The following BID variants were observed in gnomAD, a reference collection of about 807,000 sequenced individuals.
The protein encoded by BID is BH3-interacting domain death agonist.
In BID, 19 loss-of-function variants were observed where a neutral mutation model predicts 17.4. The observed-to-expected ratio is 1.09, with a 90% CI of 0.76 to 1.60. The LOEUF is 1.60. Among genes scored for constraint, BID ranks in the 40% most tolerant of loss-of-function variants. The pLI, the probability that BID is intolerant of heterozygous loss-of-function variation, is 0.00. For missense variants in BID, 226 were observed against 256.0 expected (o/e 0.88, Z 0.80); for synonymous variants, 108 against 102.8 (o/e 1.05, Z -0.31).
chr22:17,755,924 A>G (rs577550088), intron 1 of BID, among the ~76,000 whole-genome samples: 2 of 152,192 alleles, frequency 1.3e-5, no homozygotes, highest in South Asian at 4.2e-4. Flanking sequence ...CAGGAGTACA[A>G]TGGCACGATC....
rs539560010 is a variant in BID at position 17,738,185 on chromosome 22, C to T, written c.408G>A (p.Gln136=). 11 of 1,612,598 alleles carry T rather than the reference C, an allele frequency of 6.8e-6. No individual in the cohort carries two copies. The African/African-American group carries it at 1.3e-4, about 20-fold the overall frequency. ...CCTTCTCCATGTCTCTAGGGTAGGC[C>T]TGCAGCAGCTGCTCCAGGGCAGTGG... The part of the protein sequence containing the change: ...DLATALEQLL[Q]AYPRDMEKEK... Residue 136 remains glutamine (Q), a synonymous_variant, in exon 5 of 6, where the codon CAG becomes CAA. Transcript: ENST00000622694.
intron 2 of BID, among the ~76,000 whole-genome samples, chr22:17,748,090 T>A (rs1178916408): frequency 2.0e-5 from 3 of 149,716 alleles, no homozygotes; most frequent in Non-Finnish European, 4.4e-5. Context: ...GCGCCTGTAG[T>A]CCCAGCTACT....
At position 17,735,485 on chromosome 22, in the gene BID, G is replaced by C. The variant is rs1365604246; in HGVS notation, c.*95C>G. The stretch of plus-strand genomic sequence containing the variant: ...CTTCCAGCCTGTCTTCTCTAGGAAC[G>C]CTGTTGACATGCCAGGGCTCCGTCT... On this transcript the variant is annotated 3_prime_UTR_variant, in exon 6 of 6. Transcript: ENST00000622694. 2 of 1,427,678 alleles carry C rather than the reference G, an allele frequency of 1.4e-6. No individual in the cohort carries two copies. Among genetic ancestry groups the C allele is most frequent in the African/African-American group, 2.8e-5 (2 of 70,938 alleles). 88.4% of individuals were successfully genotyped at this position (1,427,678 alleles called of 1,614,324 possible). A position where few individuals can be genotyped will look rare whatever the true frequency, so the allele number is the denominator to read the frequency against.
At chr22:17,765,355 G>A (rs187497112) in intron 1 of BID, among the ~76,000 whole-genome samples, 3 of 152,120 alleles carry the variant, frequency 2.0e-5, no homozygotes, top group South Asian at 2.1e-4. Flanking sequence ...GCCAAGATAC[G>A]GCCTCTTTTT....
At chr22:17,756,127 A>G (rs2061581069) in intron 1 of BID, among the ~76,000 whole-genome samples, 1 of 152,200 alleles carries the variant, frequency 6.6e-6, no homozygotes, top group African/African-American at 2.4e-5. Context: ...TCGGCCTCCC[A>G]AAGTGCTGGG....
chr22:17,762,134 A>G (rs2061643458), intron 1 of BID, among the ~76,000 whole-genome samples: 1 of 152,134 alleles, frequency 6.6e-6, no homozygotes, highest in Non-Finnish European at 1.5e-5. Context: ...ATTCAGTCAG[A>G]CACCCAGGAG....
intron 1 of BID, among the ~76,000 whole-genome samples, chr22:17,750,448 A>G (rs1192011725): frequency 6.6e-6 from 1 of 152,266 alleles, no homozygotes; most frequent in Admixed American, 6.5e-5. Flanking sequence ...GGCATCAGGG[A>G]AACGGGGCCG....
At chr22:17,766,750 C>T (rs184260827) in intron 1 of BID, among the ~76,000 whole-genome samples, 3 of 151,830 alleles carry the variant, frequency 2.0e-5, no homozygotes, top group African/African-American at 4.8e-5. Flanking sequence ...CCACCACGCC[C>T]GGCTAATTGT....
chr22:17,750,692 G>A (rs1185997354), intron 1 of BID, among the ~76,000 whole-genome samples: 1 of 152,080 alleles, frequency 6.6e-6, no homozygotes, highest in Non-Finnish European at 1.5e-5. Context: ...GCCGGGCGTG[G>A]TGGCGGGCGC....
chr22:17,748,892 C>G (rs902705439), intron 2 of BID, among the ~76,000 whole-genome samples: 1 of 152,222 alleles, frequency 6.6e-6, no homozygotes, highest in African/African-American at 2.4e-5. Flanking sequence ...ACACTGACAA[C>G]AAGCCTGGAT....
intron 1 of BID, among the ~76,000 whole-genome samples, chr22:17,755,900 C>G (rs751937212): frequency 5.9e-5 from 9 of 152,112 alleles, no homozygotes; most frequent in Non-Finnish European, 1.2e-4. Flanking sequence ...CGGAGTCTCA[C>G]TCTGTCGCCC....
intron 1 of BID, among the ~76,000 whole-genome samples, chr22:17,755,842 A>C (rs538961463): frequency 6.6e-6 from 1 of 151,382 alleles, no homozygotes; most frequent in African/African-American, 2.4e-5. Flanking sequence ...GGTTTGGAGA[A>C]GGTGATTTCC....
Position 17,773,663 on chromosome 22 carries a change from C to T in BID, c.-59+718G>A. On this transcript the variant is annotated intron_variant, in intron 1 of 5. Transcript: ENST00000622694. The surrounding 1 kb of genome is among the most constrained non-coding windows in gnomAD (Gnocchi z 4.4). The stretch of plus-strand genomic sequence containing the variant: ...CCCGGCCCCTCGCTGCCCACCGAGC[C>T]ATCATGACCCCAGCACCGCTGCACA... 1 of 1,611,568 alleles carries T rather than the reference C, an allele frequency of 6.2e-7. No homozygotes were observed. The highest frequency in any genetic ancestry group is 8.5e-7 in the Non-Finnish European group (1 of 1,179,986).
At chr22:17,740,418 G>A (rs906304156) in intron 3 of BID, 13 of 482,064 alleles carry the variant, frequency 2.7e-5, no homozygotes, top group African/African-American at 2.1e-4. Context: ...GCAAGGCCCT[G>A]CCTCTACAAG....
At chr22:17,753,157 G>A (rs1422939525) in intron 1 of BID, among the ~76,000 whole-genome samples, 10 of 150,430 alleles carry the variant, frequency 6.6e-5, no homozygotes, top group Admixed American at 5.3e-4. Flanking sequence ...TAGTAGAGAC[G>A]GGGTTTCACC....
chr22:17,757,257 A>C (rs1244440330), intron 1 of BID, among the ~76,000 whole-genome samples: 2 of 151,790 alleles, frequency 1.3e-5, no homozygotes, highest in Non-Finnish European at 2.9e-5. Flanking sequence ...TCTATAATAT[A>C]TACAAAAACT....
chr22:17,768,690 G>A (rs1601882714), intron 1 of BID, among the ~76,000 whole-genome samples: 1 of 152,118 alleles, frequency 6.6e-6, no homozygotes. Flanking sequence ...TGGCTAACAC[G>A]GTGAAACCCC....
At chr22:17,751,823 G>A (rs9604787) in intron 1 of BID, among the ~76,000 whole-genome samples, 9,794 of 152,288 alleles carry the variant, frequency 0.064, 457 homozygotes, top group Non-Finnish European at 0.1. Context: ...TGTGGACAGG[G>A]AGGCACCAGG....
chr22:17,740,401 C>T, intron 3 of BID: 1 of 525,554 alleles, frequency 1.9e-6, no homozygotes, highest in Non-Finnish European at 3.4e-6. Flanking sequence ...ATTGCACCAG[C>T]AACAAAGCAA....
Sources: allele counts gnomAD v4.1 joint callset (sites outside exome capture counted in the v4.1 genomes callset), GRCh38; gene constraint gnomAD v4.1.1; non-coding constraint Gnocchi (gnomAD v3.1); transcripts MANE v1.5; gene names NCBI Gene and HGNC (gene_info 2026-07-23, HGNC 2026-07-21).